The following SDC2 variants were observed in gnomAD, a reference collection of about 807,000 sequenced individuals.
SDC2 encodes the protein syndecan-2.
A neutral mutation model predicts 22.2 loss-of-function variants in SDC2; 13 were observed. The ratio of observed to expected loss-of-function variants is 0.59; its 90% CI spans 0.38 to 0.93. The LOEUF is 0.93. Ranked by LOEUF, SDC2 falls within the 40% of genes least tolerant of loss-of-function variation. The pLI is 0.00. For synonymous variants in SDC2, 94 were observed against 92.8 expected (o/e 1.01, Z -0.07); for missense variants, 235 against 246.8 (o/e 0.95, Z 0.32).
rs1815158335 is a variant in SDC2, at chr8:96,610,522, AG to A, written c.*975del. On this transcript the variant is annotated 3_prime_UTR_variant, in exon 5 of 5. Coordinates refer to ENST00000302190, the MANE Select transcript of SDC2 (RefSeq NM_002998.4). ...AGTATATGTAACAGTTTAAAAAAAA[AG>A]TTGGTATTTTATAAGCACAGACAAT... 1 of 152,596 alleles carries A rather than the reference AG, an allele frequency of 6.6e-6. No individual in the cohort carries two copies. Among genetic ancestry groups the A allele is most frequent in the African/African-American group, 2.4e-5 (1 of 41,448 alleles). 9.5% of individuals were successfully genotyped at this position (152,596 alleles called of 1,614,324 possible). A position where few individuals can be genotyped will look rare whatever the true frequency, so the allele number is the denominator to read the frequency against.
chr8:96,604,692 A>G (rs558090334), intron 3 of SDC2, among the ~76,000 whole-genome samples: 2 of 152,220 alleles, frequency 1.3e-5, no homozygotes, highest in South Asian at 2.1e-4. Flanking sequence ...CACAAAAGGG[A>G]ATCTCGTTAT....
chr8:96,606,986 T>C (rs1178558145), intron 3 of SDC2, among the ~76,000 whole-genome samples: 1 of 152,170 alleles, frequency 6.6e-6, no homozygotes, highest in Non-Finnish European at 1.5e-5. Context: ...CATTACCACC[T>C]GAGCTCCGCC....
At chr8:96,515,163 A>G (rs559124013) in intron 1 of SDC2, among the ~76,000 whole-genome samples, 6 of 152,146 alleles carry the variant, frequency 3.9e-5, no homozygotes, top group Non-Finnish European at 8.8e-5. Context: ...TCTGCAGTCA[A>G]ACCTTCAATA....
chr8:96,569,336 A>G (rs1345731281), intron 1 of SDC2, among the ~76,000 whole-genome samples: 1 of 152,118 alleles, frequency 6.6e-6, no homozygotes, highest in Non-Finnish European at 1.5e-5. Context: ...CTCTCAGCCT[A>G]GATATCCTTT....
At chr8:96,551,310 C>G (rs184976441) in intron 1 of SDC2, among the ~76,000 whole-genome samples, 1 of 152,170 alleles carries the variant, frequency 6.6e-6, no homozygotes, top group Non-Finnish European at 1.5e-5. Flanking sequence ...TTTTCCTAAT[C>G]GAAACTCACC....
chr8:96,501,471 T>C (rs1273707457), intron 1 of SDC2, among the ~76,000 whole-genome samples: 1 of 151,518 alleles, frequency 6.6e-6, no homozygotes, highest in African/African-American at 2.4e-5. Flanking sequence ...GCCTGGCTAT[T>C]CTTTTTTTGT....
chr8:96,533,902 G>A (rs1246957843), intron 1 of SDC2, among the ~76,000 whole-genome samples: 5 of 152,300 alleles, frequency 3.3e-5, no homozygotes, highest in Admixed American at 1.3e-4. Context: ...AGGGGGCGGC[G>A]CTCGTTGGGG....
At chr8:96,530,503 G>A (rs975174288) in intron 1 of SDC2, among the ~76,000 whole-genome samples, 2 of 152,000 alleles carry the variant, frequency 1.3e-5, no homozygotes, top group African/African-American at 4.8e-5. Context: ...ACGTGTTAGC[G>A]GGTGCCTGTA....
At chr8:96,558,096 G>A (rs1232085917) in intron 1 of SDC2, among the ~76,000 whole-genome samples, 1 of 152,116 alleles carries the variant, frequency 6.6e-6, no homozygotes, top group African/African-American at 2.4e-5. Context: ...GATTCATTCT[G>A]TTCTTGGTGG....
At chr8:96,539,300 G>T (rs1390438571) in intron 1 of SDC2, among the ~76,000 whole-genome samples, 1 of 152,148 alleles carries the variant, frequency 6.6e-6, no homozygotes, top group East Asian at 1.9e-4. Context: ...ACATGTGAAT[G>T]AGATGATATA....
intron 1 of SDC2, among the ~76,000 whole-genome samples, chr8:96,536,451 A>G (rs1813756578): frequency 6.6e-6 from 1 of 152,174 alleles, no homozygotes; most frequent in Non-Finnish European, 1.5e-5. Flanking sequence ...CTCAACAAGT[A>G]GCTGAGACTA....
intron 1 of SDC2, among the ~76,000 whole-genome samples, chr8:96,526,570 C>T (rs115328256): frequency 0.031 from 4,749 of 152,134 alleles, 247 homozygotes; most frequent in African/African-American, 0.1. Flanking sequence ...ACGCAGGTTG[C>T]ACCCAGAGAA....
At chr8:96,606,791 G>A (rs535401327) in intron 3 of SDC2, among the ~76,000 whole-genome samples, 3 of 152,318 alleles carry the variant, frequency 2.0e-5, no homozygotes, top group African/African-American at 7.2e-5. Flanking sequence ...TAATCCTGGG[G>A]GTTTAGTGAG....
chr8:96,597,989 A>T (rs1336249705), intron 2 of SDC2, among the ~76,000 whole-genome samples: 1 of 152,238 alleles, frequency 6.6e-6, no homozygotes, highest in Non-Finnish European at 1.5e-5. Context: ...ATAGCAAAAT[A>T]CTTTAGACTG....
intron 1 of SDC2, among the ~76,000 whole-genome samples, chr8:96,592,079 AG>A: frequency 6.6e-6 from 1 of 152,354 alleles, no homozygotes; most frequent in East Asian, 1.9e-4. Flanking sequence ...CTCTTGGCTC[AG>A]GGTGGTCCAG....
chr8:96,610,583 A>G lies in SDC2; in HGVS notation c.*1035A>G, dbSNP rs1815159199. The G allele has an allele frequency of 6.5e-6, 1 of 152,672 alleles. No individual in the cohort carries two copies. Among genetic ancestry groups the G allele is most frequent in the Admixed American group, 6.5e-5 (1 of 15,278 alleles). 9.5% of individuals were successfully genotyped at this position (152,672 alleles called of 1,614,324 possible). Reference sequence around the variant, plus strand: ...AACTTTTGTAGTCTTATGAATAGACATAAATTGTAATTTGGGAACATAAAA... The same window carrying G: ...AACTTTTGTAGTCTTATGAATAGACGTAAATTGTAATTTGGGAACATAAAA... On this transcript the variant is annotated 3_prime_UTR_variant, in exon 5 of 5. Transcript: ENST00000302190.
intron 1 of SDC2, among the ~76,000 whole-genome samples, chr8:96,575,270 A>C (rs1201043033): frequency 6.6e-6 from 1 of 152,010 alleles, no homozygotes; most frequent in Non-Finnish European, 1.5e-5. Flanking sequence ...TTCAGTGCTC[A>C]GATACACAGG....
rs894464685 is a variant in SDC2, at chr8:96,607,295, C to T, written c.307-1040C>T. Among the ~76,000 whole-genome samples the T allele has an allele frequency of 1.6e-4, 25 of 152,102 alleles. 1 individual carries two copies. The highest frequency in any genetic ancestry group is 9.2e-4 in the Admixed American group (14 of 15,276). The stretch of plus-strand genomic sequence containing the variant: ...TACCCAACACCTGCAGTTCTGAGGT[C>T]GATGCGGGATGGGAGCTGGGCTGTG... On this transcript the variant is annotated intron_variant, in intron 3 of 4. Coordinates refer to ENST00000302190, the MANE Select transcript of SDC2 (RefSeq NM_002998.4).
At chr8:96,598,086 T>C (rs1241988532) in intron 2 of SDC2, among the ~76,000 whole-genome samples, 3 of 152,082 alleles carry the variant, frequency 2.0e-5, no homozygotes, top group African/African-American at 7.2e-5. Flanking sequence ...GGTGAGGGCT[T>C]TCTGACTACT....
Sources: gnomAD v4.1 joint callset for allele counts (sites outside exome capture counted in the v4.1 genomes callset) on GRCh38, gnomAD v4.1.1 for gene constraint, MANE v1.5 for transcripts, NCBI Gene and HGNC (gene_info 2026-07-23, HGNC 2026-07-21) for gene names.